The following PRDM1 variants were observed in gnomAD, a reference collection of about 807,000 sequenced individuals.
PRDM1 encodes PR domain zinc finger protein 1.
A neutral mutation model predicts 62.8 loss-of-function variants in PRDM1; 13 were observed. That is an observed-to-expected ratio of 0.21 (90% confidence interval 0.13 to 0.33). PRDM1 has a LOEUF of 0.33. Ranked by LOEUF, PRDM1 falls within the 10% of genes least tolerant of loss-of-function variation. The probability of loss-of-function intolerance (pLI) is 1.00; values close to 1 mark genes in which losing one functional copy is unlikely to be tolerated. For synonymous variants in PRDM1, 396 were observed against 417.6 expected (o/e 0.95, Z 0.63); for missense variants, 895 against 1,058.8 (o/e 0.85, Z 2.15).
At position 106,107,318 on chromosome 6, in the gene PRDM1, T is replaced by A; in HGVS notation, c.2310T>A (p.Thr770=). The change falls in exon 7 of 7, where the codon ACT becomes ACA. Residue 770 remains threonine (T), a synonymous_variant. Transcript: ENST00000369096. ...TGGTCAGAAAAGAGAAAGAAGAAAC[T>A]GGCCTGAAAGTGTCTTTGCAAAGAA... is the stretch of plus-strand genomic sequence containing the variant. ...LAVVRKEKEE[T]GLKVSLQRNM... The A allele has an allele frequency of 6.2e-7, 1 of 1,614,040 alleles. No individual in the cohort carries two copies. Among genetic ancestry groups the A allele is most frequent in the Non-Finnish European group, 8.5e-7 (1 of 1,179,984 alleles).
intron 2 of PRDM1, among the ~76,000 whole-genome samples, chr6:106,095,355 A>G (rs1217113165): frequency 6.6e-6 from 1 of 152,140 alleles, no homozygotes; most frequent in Admixed American, 6.5e-5. Context: ...AAAATAAAAG[A>G]TCCCGTATTA....
intron 1 of PRDM1, among the ~76,000 whole-genome samples, chr6:106,010,914 T>C (rs1253711980): frequency 2.0e-5 from 3 of 152,124 alleles, no homozygotes; most frequent in Non-Finnish European, 4.4e-5. Flanking sequence ...TGCTCAGGAC[T>C]ACAGGTTTAA....
intron 1 of PRDM1, among the ~76,000 whole-genome samples, chr6:106,059,689 G>C (rs1162729591): frequency 6.6e-6 from 1 of 152,224 alleles, no homozygotes; most frequent in African/African-American, 2.4e-5. Flanking sequence ...AGATCACTTA[G>C]TAGACTCATT....
At chr6:106,040,088 C>T (rs186777765) in intron 1 of PRDM1, among the ~76,000 whole-genome samples, 77 of 152,326 alleles carry the variant, frequency 5.1e-4, no homozygotes, top group African/African-American at 1.8e-3. Flanking sequence ...CACTGCCCAG[C>T]GAGGAAGAAA....
intron 1 of PRDM1, among the ~76,000 whole-genome samples, chr6:106,075,017 T>G (rs1424835513): frequency 1.3e-5 from 2 of 152,210 alleles, no homozygotes; most frequent in Admixed American, 1.3e-4. Flanking sequence ...TTAAAGAAGC[T>G]CTAACTTAAC....
At chr6:106,038,014 C>CTTTT (rs1227783243) in intron 1 of PRDM1, among the ~76,000 whole-genome samples, 1,781 of 47,728 alleles carry the variant, frequency 0.037, 588 homozygotes, top group African/African-American at 0.14. Flanking sequence ...CTATTTTTGT[C>CTTTT]TTTTTTTTTT....
intron 1 of PRDM1, among the ~76,000 whole-genome samples, chr6:106,064,460 C>G (rs1773394841): frequency 6.6e-6 from 1 of 152,128 alleles, no homozygotes; most frequent in Non-Finnish European, 1.5e-5. Context: ...AGAGGATTTG[C>G]CAAATGACTC....
intron 1 of PRDM1, among the ~76,000 whole-genome samples, chr6:106,000,665 A>G (rs957599190): frequency 6.6e-6 from 1 of 152,192 alleles, no homozygotes; most frequent in African/African-American, 2.4e-5. Flanking sequence ...TGACATAAAT[A>G]GTATCATCAT....
At chr6:106,092,090 C>T (rs1773978054) in intron 2 of PRDM1, among the ~76,000 whole-genome samples, 1 of 144,680 alleles carries the variant, frequency 6.9e-6, no homozygotes, top group Admixed American at 7.3e-5. Context: ...CAAACCCACG[C>T]TGTGTGTGTC....
At chr6:106,039,819 G>C (rs1010903768) in intron 1 of PRDM1, among the ~76,000 whole-genome samples, 1 of 152,214 alleles carries the variant, frequency 6.6e-6, no homozygotes, top group African/African-American at 2.4e-5. Context: ...AGTATTTCTT[G>C]CTGACATCCC....
chr6:106,007,808 C>T (rs1315786650), intron 1 of PRDM1, among the ~76,000 whole-genome samples: 1 of 152,142 alleles, frequency 6.6e-6, no homozygotes, highest in Non-Finnish European at 1.5e-5. Context: ...AAATGCATCT[C>T]CTAACGACTT....
chr6:106,064,261 C>T (rs540132024), intron 1 of PRDM1, among the ~76,000 whole-genome samples: 49 of 152,290 alleles, frequency 3.2e-4, no homozygotes, highest in African/African-American at 1.1e-3. Flanking sequence ...CAGTTAGCCT[C>T]GATGTCTATT....
rs570405693 is a variant in PRDM1 at position 106,089,874 on chromosome 6, C to T, written c.291+1425C>T. ...CAAATATTCGTCTGTTCCCAAGCTT[C>T]GTTTGTGCTGTGTTGCCCTGTCCAG... On this transcript the variant is annotated intron_variant, in intron 2 of 6. Coordinates refer to ENST00000369096, the MANE Select transcript of PRDM1 (RefSeq NM_001198.4). Among the ~76,000 whole-genome samples, 3 of 152,282 alleles carry T rather than the reference C, an allele frequency of 2.0e-5. No individual in the cohort carries two copies. The South Asian group carries it at 6.2e-4, about 32-fold the overall frequency.
intron 1 of PRDM1, among the ~76,000 whole-genome samples, chr6:106,028,584 G>A (rs1772796161): frequency 6.6e-6 from 1 of 152,054 alleles, no homozygotes; most frequent in South Asian, 2.1e-4. Flanking sequence ...AAAAGTAATA[G>A]GTATGTATGA....
chr6:106,033,071 GTT>G lies in PRDM1; in HGVS notation c.-67+39442_-67+39443del, dbSNP rs11309393. ...GCTTAGAGATAACAAAACATGGGTAGTTTTTTTTTTTCAATTTTTAAATTGTG... is the reference window on the plus strand; with the variant it reads ...GCTTAGAGATAACAAAACATGGGTAGTTTTTTTTTCAATTTTTAAATTGTG... On this transcript the variant is annotated intron_variant, in intron 1 of 6. Coordinates refer to the PRDM1 transcript ENST00000652320. Among the ~76,000 whole-genome samples the G allele has an allele frequency of 1.6e-4, 24 of 149,616 alleles. No homozygotes were observed. The South Asian group carries it at 1.9e-3, about 12-fold the overall frequency.
chr6:106,012,937 G>C lies in PRDM1; in HGVS notation c.-67+19298G>C, dbSNP rs555618152. On this transcript the variant is annotated intron_variant, in intron 1 of 6. Coordinates refer to the PRDM1 transcript ENST00000652320. ...ATATCCTTTTGTGTGTGTGTGAGACGGTCTCATTCTGTCGCCCAGGCTGGA... is the reference window on the plus strand; with the variant it reads ...ATATCCTTTTGTGTGTGTGTGAGACCGTCTCATTCTGTCGCCCAGGCTGGA... Among the ~76,000 whole-genome samples the C allele has an allele frequency of 5.3e-5, 8 of 152,274 alleles. No individual in the cohort carries two copies. In the East Asian group the frequency reaches 1.3e-3, roughly 26 times the overall value.
intron 1 of PRDM1, among the ~76,000 whole-genome samples, chr6:106,021,471 C>G (rs1311441157): frequency 1.3e-5 from 2 of 152,150 alleles, no homozygotes; most frequent in South Asian, 2.1e-4. Flanking sequence ...TTGGTTTTCT[C>G]TGAATTAACC....
chr6:105,995,163 A>G (rs886591427), intron 1 of PRDM1, among the ~76,000 whole-genome samples: 1 of 152,138 alleles, frequency 6.6e-6, no homozygotes, highest in African/African-American at 2.4e-5. Flanking sequence ...TGACAAGTGC[A>G]TAGGTTAGGC....
At chr6:106,076,916 G>T (rs1773613388) in intron 1 of PRDM1, among the ~76,000 whole-genome samples, 1 of 152,230 alleles carries the variant, frequency 6.6e-6, no homozygotes, top group Non-Finnish European at 1.5e-5. Context: ...ATTTTAGGAA[G>T]AAGTCCAGTG....
Sources: gnomAD v4.1 joint callset for allele counts (sites outside exome capture counted in the v4.1 genomes callset) on GRCh38, gnomAD v4.1.1 for gene constraint, MANE v1.5 for transcripts, NCBI Gene and HGNC (gene_info 2026-07-23, HGNC 2026-07-21) for gene names.